Variants in CLVS1 observed in about 807,000 individuals in gnomAD.
CLVS1 encodes the protein clavesin 1, also known as clavesin-1.
Under a neutral mutation model 33.1 loss-of-function variants are expected in CLVS1, and 10 were observed. The observed-to-expected ratio is 0.30, with a 90% confidence interval of 0.19 to 0.51. The LOEUF is 0.51. Ranked by LOEUF, CLVS1 falls within the 20% of genes least tolerant of loss-of-function variation. The pLI is 0.97. For missense variants in CLVS1, 343 were observed against 433.4 expected (o/e 0.79, Z 1.85); for synonymous variants, 163 against 166.1 (o/e 0.98, Z 0.14).
chr8:61,118,461 G>T (rs1378877201), intron 1 of CLVS1, among the ~76,000 whole-genome samples: 1 of 147,090 alleles, frequency 6.8e-6, no homozygotes, highest in African/African-American at 2.6e-5. Context: ...TAATTGTGAT[G>T]TTAGGGTGTC....
chr8:61,495,946 GGGCTAAAAGGTACTT>G lies in CLVS1; in HGVS notation c.978-3507_978-3493del, dbSNP rs1432303580. On this transcript the variant is annotated intron_variant, in intron 5 of 5. Transcript: ENST00000325897. ...TAGCCTTGGCTGGGCAGGTGTGGGA[GGGCTAAAAGGTACTT>G]GTGTCTACTCTGGTGGCTCCAGGAG... Among the ~76,000 whole-genome samples the G allele has an allele frequency of 3.9e-5, 6 of 152,276 alleles. No homozygotes were observed. In the East Asian group the frequency reaches 7.7e-4, roughly 20 times the overall value.
rs2129609207 is a variant in CLVS1 at position 61,500,539 on chromosome 8, A to G, written c.*997A>G. On this transcript the variant is annotated 3_prime_UTR_variant, in exon 6 of 6. Coordinates refer to ENST00000325897, the MANE Select transcript of CLVS1 (RefSeq NM_173519.3). ...AATATGCAAGTACTGAAGTAAGAGA[A>G]GACTAGAAATGCAGGATGAAATGTC... The G allele has an allele frequency of 6.6e-6, 1 of 152,378 alleles. No homozygotes were observed. The highest frequency in any genetic ancestry group is 1.5e-5 in the Non-Finnish European group (1 of 68,028). The allele number at this position is 152,378 out of a possible 1,614,324, so 9.4% of individuals were successfully genotyped here. A position where few individuals can be genotyped will look rare whatever the true frequency, so the allele number is the denominator to read the frequency against.
chr8:61,353,038 G>A (rs55870827), intron 2 of CLVS1, among the ~76,000 whole-genome samples: 2,099 of 152,050 alleles, frequency 0.014, 62 homozygotes, highest in African/African-American at 0.047. Context: ...TTAAATGTGT[G>A]CATACATAAA....
chr8:61,411,498 A>G (rs1398194997), intron 3 of CLVS1, among the ~76,000 whole-genome samples: 3 of 152,228 alleles, frequency 2.0e-5, no homozygotes, highest in Non-Finnish European at 4.4e-5. Context: ...GGGGGATAAG[A>G]TAGAGAAATA....
chr8:61,357,559 G>A (rs1005738607), intron 2 of CLVS1, among the ~76,000 whole-genome samples: 1 of 115,282 alleles, frequency 8.7e-6, no homozygotes, highest in Admixed American at 1.1e-4. Context: ...AAGCTGGAGA[G>A]CAATGGTGCG....
At chr8:61,142,543 A>G (rs112007879) in intron 2 of CLVS1, among the ~76,000 whole-genome samples, 208 of 152,316 alleles carry the variant, frequency 1.4e-3, no homozygotes, top group African/African-American at 4.5e-3. Context: ...GGAAGAAACA[A>G]TGCCCGCCTC....
chr8:61,404,224 G>C (rs1416316689), intron 3 of CLVS1, among the ~76,000 whole-genome samples: 1 of 152,192 alleles, frequency 6.6e-6, no homozygotes, highest in Non-Finnish European at 1.5e-5. Flanking sequence ...TCTGCAGCCA[G>C]AGTTGACATT....
intron 2 of CLVS1, among the ~76,000 whole-genome samples, chr8:61,349,504 C>G (rs1812361177): frequency 1.3e-5 from 2 of 151,904 alleles, no homozygotes; most frequent in Admixed American, 1.3e-4. Context: ...TGGTGCCATC[C>G]CCTGAGGTGG....
chr8:61,497,375 G>C (rs1160207390), intron 5 of CLVS1, among the ~76,000 whole-genome samples: 1 of 149,638 alleles, frequency 6.7e-6, no homozygotes, highest in East Asian at 2.0e-4. Context: ...GCAATGATGT[G>C]TGACAACATC....
chr8:61,300,002 A>G lies in CLVS1; in HGVS notation c.175A>G (p.Met59Val), dbSNP rs762182128. 1.2e-6 allele frequency: 2 copies of G among 1,614,100 alleles called. No homozygotes were observed. The highest frequency in any genetic ancestry group is 1.7e-6 in the Non-Finnish European group (2 of 1,179,976). ...LHQDIQQVRD[M>V]IITRPDIGFL... ...TCAGGATATTCAGCAAGTCAGGGAC[A>G]TGATCATCACCAGGCCTGACATTGG... Residue 59 changes from methionine (M) to valine (V), a missense_variant, in exon 2 of 6, where the codon ATG becomes GTG. Around this residue, in one of 4 missense-constraint regions of CLVS1, gnomAD observed 88 missense variants for 77.3 expected, o/e 1.14. Transcript: ENST00000325897.
the CLVS1 span, among the ~76,000 whole-genome samples, chr8:61,003,638 T>TC: frequency 6.6e-6 from 1 of 152,208 alleles, no homozygotes; most frequent in Non-Finnish European, 1.5e-5. Context: ...TGCCCAGGTT[T>TC]CCATATCTGG....
chr8:60,994,229 T>C, the CLVS1 span, among the ~76,000 whole-genome samples: 1 of 152,186 alleles, frequency 6.6e-6, no homozygotes. Context: ...TCCTAATTTC[T>C]TCTTATAAGG....
chr8:61,341,013 C>T (rs896778200), intron 2 of CLVS1, among the ~76,000 whole-genome samples: 21 of 152,324 alleles, frequency 1.4e-4, no homozygotes, highest in Admixed American at 1.3e-3. Flanking sequence ...ATGCTGTCAG[C>T]TCAGTGCAAA....
intron 2 of CLVS1, among the ~76,000 whole-genome samples, chr8:61,170,811 G>C (rs1204179419): frequency 6.6e-6 from 1 of 152,084 alleles, no homozygotes; most frequent in African/African-American, 2.4e-5. Context: ...TTAAAGAATA[G>C]AGTTCTTTCT....
intron 2 of CLVS1, among the ~76,000 whole-genome samples, chr8:61,201,606 A>G (rs185426672): frequency 7.4e-4 from 113 of 152,270 alleles, no homozygotes; most frequent in Non-Finnish European, 1.4e-3. Context: ...GAGAAAAGTT[A>G]TGTTTATGGT....
intron 1 of CLVS1, among the ~76,000 whole-genome samples, chr8:61,069,035 C>T (rs773859524): frequency 6.0e-4 from 91 of 152,222 alleles, no homozygotes; most frequent in Middle Eastern, 6.8e-3. Flanking sequence ...GGCACGATCT[C>T]GGCTCACTGC....
chr8:61,330,768 T>C (rs146716128), intron 2 of CLVS1, among the ~76,000 whole-genome samples: 33 of 152,250 alleles, frequency 2.2e-4, no homozygotes, highest in African/African-American at 6.5e-4. Flanking sequence ...TTGATTTGTC[T>C]TGAGATACAC....
At chr8:61,054,314 A>T (rs1408061901), upstream of CLVS1, among the ~76,000 whole-genome samples, 3 of 152,156 alleles carry the variant, frequency 2.0e-5, no homozygotes, top group Non-Finnish European at 2.9e-5. Flanking sequence ...AAGCTGGGTG[A>T]GGATATCAGA....
intron 2 of CLVS1, among the ~76,000 whole-genome samples, chr8:61,163,847 G>T (rs1352077924): frequency 1.3e-5 from 2 of 152,216 alleles, no homozygotes; most frequent in East Asian, 3.8e-4. Context: ...AGATCTGGAG[G>T]GGTGGAAGTC....
Sources: gnomAD v4.1 joint callset for allele counts (sites outside exome capture counted in the v4.1 genomes callset) on GRCh38, gnomAD v4.1.1 for gene constraint, gnomAD v4.1.1 regional missense constraint, MANE v1.5 for transcripts, NCBI Gene and HGNC (gene_info 2026-07-23, HGNC 2026-07-21) for gene names.